Variants in HNRNPH1 observed in about 807,000 individuals in gnomAD.
The protein encoded by HNRNPH1 is heterogeneous nuclear ribonucleoprotein H1.
In HNRNPH1, 4 loss-of-function variants were observed where a neutral mutation model predicts 58.6. The ratio of observed to expected loss-of-function variants is 0.07; its 90% CI spans 0.03 to 0.16. The LOEUF (loss-of-function observed/expected upper bound fraction) is 0.16. Ranked by LOEUF, HNRNPH1 falls within the 10% of genes least tolerant of loss-of-function variation. The pLI, the probability that HNRNPH1 is intolerant of heterozygous loss-of-function variation, is 1.00. For synonymous variants in HNRNPH1, 192 were observed against 189.2 expected, an observed-to-expected ratio of 1.01 and a Z score of -0.12; for missense variants, 271 against 564.2, an observed-to-expected ratio of 0.48 and a Z score of 5.26.
intron 10 of HNRNPH1, 147 bp from the exon 12 acceptor site, chr5:179,616,365 C>A: frequency 1.5e-6 from 1 of 671,392 alleles, no homozygotes; most frequent in Non-Finnish European, 2.7e-6. Flanking sequence ...CTGTCTATAA[C>A]CAGGCCACCC....
At chr5:179,625,980 G>A (rs901543208), upstream of HNRNPH1, among the ~76,000 whole-genome samples, 1 of 148,256 alleles carries the variant, frequency 6.7e-6, no homozygotes, top group African/African-American at 2.5e-5. Context: ...GTAGCAATGG[G>A]GTCTCATTTT....
At chr5:179,622,938 G>GCACGCCCCGC (rs1773358365) in intron 1 of HNRNPH1, 99 bp downstream of exon 2, 1 of 50,730 alleles carries the variant, frequency 2.0e-5, no homozygotes, top group Non-Finnish European at 3.6e-5. Context: ...GCCCGGCCCG[G>GCACGCCCCGC]CCCGGCCCGC....
chr5:179,623,185 G>C (rs764039580), exon 1 of HNRNPH1: 14 of 1,373,080 alleles, frequency 1.0e-5, no homozygotes, highest in Non-Finnish European at 1.3e-5. Context: ...GGGAGGACCA[G>C]AACTGAGAGC....
intron 2 of HNRNPH1, among the ~76,000 whole-genome samples, chr5:179,633,045 G>C (rs1469557272): frequency 1.3e-5 from 2 of 151,566 alleles, no homozygotes; most frequent in East Asian, 3.9e-4. Context: ...TTTTAGTAGA[G>C]ACGGGGTTTC....
chr5:179,625,439 C>G (rs1305160521), upstream of HNRNPH1, among the ~76,000 whole-genome samples: 1 of 148,492 alleles, frequency 6.7e-6, no homozygotes, highest in African/African-American at 2.5e-5. Context: ...AAGCAGTGAG[C>G]TGAGATCACA....
At chr5:179,615,970 A>C (rs4376229) in intron 11 of HNRNPH1, 156 bp downstream of exon 12, 1 of 625,762 alleles carries the variant, frequency 1.6e-6, no homozygotes, top group South Asian at 2.1e-5. Flanking sequence ...TCATAACCCA[A>C]TTTCACCGAA....
upstream of HNRNPH1, among the ~76,000 whole-genome samples, chr5:179,626,858 C>A (rs1301834738): frequency 4.7e-5 from 7 of 150,394 alleles, no homozygotes; most frequent in East Asian, 1.4e-3. Flanking sequence ...TCACTGCAAG[C>A]TCCGCCTCCC....
Position 179,616,469 on chromosome 5 carries a change from T to TAG in HNRNPH1, c.1208-253_1208-252dup, listed in dbSNP as rs199521500. 390 of 544,062 alleles carry TAG rather than the reference T, an allele frequency of 7.2e-4. 1 individual carries two copies. The East Asian group carries it at 0.011, about 16-fold the overall frequency. The allele number at this position is 544,062 out of a possible 1,614,324, so 33.7% of individuals were successfully genotyped here. A position where few individuals can be genotyped will look rare whatever the true frequency, so the allele number is the denominator to read the frequency against. On this transcript the variant is annotated intron_variant, in intron 10 of 12. Transcript: ENST00000356731. ...ACTAAAATCAACATGATTCCGTAAG[T>TAG]AGAGGCATTTTGTGAAGATCTTATG...
chr5:179,622,996 C>G (rs200893006), intron 1 of HNRNPH1, 41 bp downstream of exon 2: 2 of 902,304 alleles, frequency 2.2e-6, no homozygotes, highest in East Asian at 1.4e-4. Context: ...CCGCCCGCCC[C>G]GGCCTCGAAC....
exon 13 of HNRNPH1, chr5:179,614,868 G>A: frequency 2.6e-6 from 4 of 1,542,572 alleles, no homozygotes. Flanking sequence ...CACTCATACT[G>A]GACATGCTAG....
At chr5:179,624,000 T>G (rs1467464380) in exon 1 of HNRNPH1, 1 of 153,094 alleles carries the variant, frequency 6.5e-6, no homozygotes, top group Non-Finnish European at 1.5e-5. Context: ...GGGAGGGGAA[T>G]GGCGGCCGCC....
chr5:179,617,119 AG>A lies in HNRNPH1; in HGVS notation c.1058-10del, dbSNP rs778929586. 1 of 1,611,388 alleles carries A rather than the reference AG, an allele frequency of 6.2e-7. No homozygotes were observed. The highest frequency in any genetic ancestry group is 1.3e-5 in the African/African-American group (1 of 74,814). On this transcript the variant is annotated splice_polypyrimidine_tract_variant and intron_variant, in intron 8 of 12. Transcript: ENST00000356731. ...TTCTACATATCTGTGTTCTGAAATG[AG>A]AAAAAAAAAGTTTGAAAATGTTTGT...
At chr5:179,625,932 A>ATTATTTATTTATTTAT (rs71591435), upstream of HNRNPH1, among the ~76,000 whole-genome samples, 13 of 144,134 alleles carry the variant, frequency 9.0e-5, no homozygotes, top group East Asian at 4.2e-4. Context: ...CCTTGCTCAG[A>ATTATTTATTTATTTAT]TTATTTATTT....
chr5:179,620,653 T>C (rs1465948763), intron 3 of HNRNPH1: 2 of 442,504 alleles, frequency 4.5e-6, no homozygotes, highest in African/African-American at 3.9e-5. Context: ...CAATCCTCAA[T>C]GAAAGATCTA....
upstream of HNRNPH1, among the ~76,000 whole-genome samples, chr5:179,625,675 AAG>A (rs1350722882): frequency 2.0e-5 from 3 of 146,964 alleles, no homozygotes; most frequent in Admixed American, 2.0e-4. Context: ...AAAAAAAAAA[AAG>A]AATAGTAGTA....
In HNRNPH1 at chr5:179,623,391, G is replaced by A. The variant is rs974985292; in HGVS notation, c.-258C>T. Reference sequence around the variant, plus strand: ...GGCCCGGGCCGAGAGCCAGCGTAGAGGAAAGGAAATGGCGGCGGCCGCTTC... The same window carrying A: ...GGCCCGGGCCGAGAGCCAGCGTAGAAGAAAGGAAATGGCGGCGGCCGCTTC... On this transcript the variant is annotated 5_prime_UTR_variant, in exon 1 of 13. Coordinates refer to ENST00000356731, the Ensembl canonical transcript of HNRNPH1. The A allele has an allele frequency of 1.0e-4, 29 of 284,726 alleles. No individual in the cohort carries two copies. In the East Asian group the frequency reaches 1.3e-3, roughly 13 times the overall value. 17.6% of individuals were successfully genotyped at this position (284,726 alleles called of 1,614,324 possible).
At chr5:179,618,467 A>G (rs1004734525) in intron 4 of HNRNPH1, 144 bp from the exon 6 acceptor site, 2 of 549,182 alleles carry the variant, frequency 3.6e-6, no homozygotes, top group African/African-American at 1.9e-5. Context: ...TTATATTTGC[A>G]TAGGCAATGA....
exon 13 of HNRNPH1, chr5:179,614,541 A>G (rs1768522596): frequency 1.0e-5 from 2 of 195,576 alleles, no homozygotes; most frequent in Non-Finnish European, 2.1e-5. Context: ...AACATTTAAC[A>G]TAATTCAACT....
chr5:179,623,431 C>G, exon 1 of HNRNPH1: 1 of 250,834 alleles, frequency 4.0e-6, no homozygotes, highest in Non-Finnish European at 8.0e-6. Context: ...CCGCCTCCTC[C>G]GACTTCTCAC....
Sources: allele counts gnomAD v4.1 joint callset (sites outside exome capture counted in the v4.1 genomes callset), GRCh38; gene constraint gnomAD v4.1.1; transcripts MANE v1.5; gene names NCBI Gene and HGNC (gene_info 2026-07-23, HGNC 2026-07-21).